The following STK33 variants were observed in gnomAD, a reference collection of about 807,000 sequenced individuals.
STK33 encodes the protein serine/threonine kinase 33.
STK33 carries 52 observed loss-of-function variants against 58.0 expected under a neutral mutation model. The ratio of observed to expected loss-of-function variants is 0.90; its 90% CI spans 0.72 to 1.13. The LOEUF is 1.13. STK33 is among the 50% of genes most tolerant of loss of function. STK33 has a pLI of 0.00. For synonymous variants in STK33, 215 were observed against 200.1 expected (o/e 1.07, Z -0.63); for missense variants, 630 against 604.2 (o/e 1.04, Z -0.45).
At chr11:8,437,506 C>T (rs1944222308) in intron 12 of STK33, among the ~76,000 whole-genome samples, 1 of 152,160 alleles carries the variant, frequency 6.6e-6, no homozygotes, top group Non-Finnish European at 1.5e-5. Flanking sequence ...TTCTTCAACT[C>T]TCAGGAATAT....
At chr11:8,588,673 C>A (rs939873092) in intron 1 of STK33, among the ~76,000 whole-genome samples, 1 of 152,074 alleles carries the variant, frequency 6.6e-6, no homozygotes, top group Non-Finnish European at 1.5e-5. Context: ...TATTGAACTT[C>A]ATAAAATTAA....
intron 1 of STK33, among the ~76,000 whole-genome samples, chr11:8,562,967 CA>C (rs1957214637): frequency 6.6e-6 from 1 of 152,078 alleles, no homozygotes; most frequent in Admixed American, 6.5e-5. Flanking sequence ...GCTGTTTAAG[CA>C]GAGATTAGAG....
the STK33 span, among the ~76,000 whole-genome samples, chr11:8,346,447 G>A: frequency 6.6e-6 from 1 of 152,216 alleles, no homozygotes; most frequent in Non-Finnish European, 1.5e-5. Context: ...AGGACTTGGG[G>A]GCTGAATGTG....
intron 1 of STK33, among the ~76,000 whole-genome samples, chr11:8,558,326 A>G (rs1236411515): frequency 2.0e-5 from 3 of 152,132 alleles, no homozygotes; most frequent in Non-Finnish European, 4.4e-5. Flanking sequence ...TACACTATGC[A>G]AAAATGGCAC....
intron 1 of STK33, among the ~76,000 whole-genome samples, chr11:8,490,114 C>T (rs994942417): frequency 6.6e-6 from 1 of 152,166 alleles, no homozygotes; most frequent in African/African-American, 2.4e-5. Context: ...CAGGGCGAGG[C>T]GTTGCCTCAC....
chr11:8,401,993 T>C (rs1320068408), intron 15 of STK33, among the ~76,000 whole-genome samples: 4 of 152,090 alleles, frequency 2.6e-5, no homozygotes, highest in Non-Finnish European at 5.9e-5. Context: ...TGTGGAGAAA[T>C]AGGAACACTT....
chr11:8,494,666 G>A (rs1950905404), intron 1 of STK33, among the ~76,000 whole-genome samples: 1 of 152,164 alleles, frequency 6.6e-6, no homozygotes, highest in Non-Finnish European at 1.5e-5. Flanking sequence ...GAACAAAGCT[G>A]GAGGCATCAC....
chr11:8,544,413 G>A (rs1353640770), intron 1 of STK33, among the ~76,000 whole-genome samples: 1 of 149,352 alleles, frequency 6.7e-6, no homozygotes, highest in African/African-American at 2.4e-5. Context: ...TGTAGCTACA[G>A]ATTGATTTTA....
chr11:8,412,160 G>GTA (rs1159946853), intron 15 of STK33, among the ~76,000 whole-genome samples: 1 of 152,168 alleles, frequency 6.6e-6, no homozygotes, highest in Non-Finnish European at 1.5e-5. Context: ...GTGTATACAT[G>GTA]TATATGTGTA....
the STK33 span, among the ~76,000 whole-genome samples, chr11:8,364,047 T>C: frequency 6.6e-6 from 1 of 152,214 alleles, no homozygotes; most frequent in African/African-American, 2.4e-5. Context: ...GTGTTTTCAA[T>C]GTTGCGAAAT....
At chr11:8,510,523 AT>A (rs1475764967) in intron 1 of STK33, among the ~76,000 whole-genome samples, 1 of 151,802 alleles carries the variant, frequency 6.6e-6, no homozygotes, top group Admixed American at 6.6e-5. Flanking sequence ...CCATTTATTT[AT>A]TTTTGTTCTC....
At chr11:8,492,735 A>C (rs1301526082) in intron 1 of STK33, among the ~76,000 whole-genome samples, 2 of 152,218 alleles carry the variant, frequency 1.3e-5, no homozygotes, top group Non-Finnish European at 2.9e-5. Flanking sequence ...AACAGAAATC[A>C]CAACAAACTG....
chr11:8,360,842 G>T, the STK33 span, among the ~76,000 whole-genome samples: 3 of 152,170 alleles, frequency 2.0e-5, no homozygotes, highest in Non-Finnish European at 2.9e-5. Flanking sequence ...TTCCTTTTGT[G>T]TTGCTAACCA....
intron 1 of STK33, among the ~76,000 whole-genome samples, chr11:8,554,741 A>C (rs1956612319): frequency 6.6e-6 from 1 of 152,182 alleles, no homozygotes; most frequent in African/African-American, 2.4e-5. Flanking sequence ...ATGATTCAGC[A>C]ATCTCACTGC....
At chr11:8,380,561 A>G in the STK33 span, among the ~76,000 whole-genome samples, 1 of 96,270 alleles carries the variant, frequency 1.0e-5, no homozygotes. Flanking sequence ...ACTCCTTCTC[A>G]AAAAAAAAAA....
chr11:8,585,357 TG>T (rs1217241242), intron 1 of STK33, among the ~76,000 whole-genome samples: 37 of 150,676 alleles, frequency 2.5e-4, no homozygotes, highest in African/African-American at 9.0e-4. Flanking sequence ...CCTGAGTAGC[TG>T]GGACTACAGG....
chr11:8,442,843 C>A (rs958720836), intron 11 of STK33, among the ~76,000 whole-genome samples: 3 of 151,994 alleles, frequency 2.0e-5, no homozygotes, highest in African/African-American at 7.3e-5. Flanking sequence ...TGATGTAAGA[C>A]AAAAGAAGAA....
the STK33 span, among the ~76,000 whole-genome samples, chr11:8,338,373 T>TC: frequency 6.6e-6 from 1 of 152,206 alleles, no homozygotes; most frequent in Admixed American, 6.5e-5. Flanking sequence ...CTGACTGCCC[T>TC]AGCTTTGGCC....
chr11:8,358,962 T>G, the STK33 span, among the ~76,000 whole-genome samples: 1 of 152,110 alleles, frequency 6.6e-6, no homozygotes, highest in Non-Finnish European at 1.5e-5. Context: ...ACCCTGTGCC[T>G]CCCGACAAGA....
Sources: gnomAD v4.1 joint callset for allele counts (sites outside exome capture counted in the v4.1 genomes callset) on GRCh38, gnomAD v4.1.1 for gene constraint, MANE v1.5 for transcripts, NCBI Gene and HGNC (gene_info 2026-07-23, HGNC 2026-07-21) for gene names.